The following VAPB variants were observed in gnomAD, a reference collection of about 807,000 sequenced individuals.
VAPB encodes the protein VAMP associated protein B and C.
VAPB carries 7 observed loss-of-function variants against 25.6 expected under a neutral mutation model. That is an observed-to-expected ratio of 0.27 (90% CI 0.16 to 0.51). The LOEUF (loss-of-function observed/expected upper bound fraction) is 0.51. Among genes scored for constraint, VAPB ranks in the 20% least tolerant of loss-of-function variants. The probability of loss-of-function intolerance (pLI) is 0.97; values close to 1 mark genes in which losing one functional copy is unlikely to be tolerated. For synonymous variants in VAPB, 112 were observed against 109.2 expected (o/e 1.03, Z -0.16); for missense variants, 266 against 301.3 (o/e 0.88, Z 0.87).
chr20:58,429,052 G>C (rs1433215957), intron 2 of VAPB, among the ~76,000 whole-genome samples: 1 of 152,122 alleles, frequency 6.6e-6, no homozygotes, highest in Admixed American at 6.6e-5. Flanking sequence ...GGCCTGAGCT[G>C]AGATTGTAGG....
chr20:58,446,971 C>T lies in VAPB; in HGVS notation c.*2736C>T, dbSNP rs1017805183. 3.3e-5 allele frequency: 15 copies of T among 453,928 alleles called. No homozygotes were observed. Among genetic ancestry groups the T allele is most frequent in the African/African-American group, 2.4e-4 (12 of 49,972 alleles). 28.1% of individuals were successfully genotyped at this position (453,928 alleles called of 1,614,324 possible). A position where few individuals can be genotyped will look rare whatever the true frequency, so the allele number is the denominator to read the frequency against. ...GCCTGTCACAACGGCCTGCCCTGCC[C>T]CAAGAGGGTTAAGAGTCAGATAATC... On this transcript the variant is annotated 3_prime_UTR_variant, in exon 6 of 6. Coordinates refer to ENST00000475243, the MANE Select transcript of VAPB (RefSeq NM_004738.5).
chr20:58,406,334 CA>C (rs1264844708), intron 1 of VAPB, among the ~76,000 whole-genome samples: 2 of 152,116 alleles, frequency 1.3e-5, no homozygotes, highest in Admixed American at 6.5e-5. Flanking sequence ...GCATAATTTC[CA>C]AAGGCAGAGT....
At chr20:58,438,923 TA>T in intron 3 of VAPB, 21 bp from the exon 4 acceptor site, 7 of 1,596,084 alleles carry the variant, frequency 4.4e-6, no homozygotes, top group Non-Finnish European at 6.0e-6. Flanking sequence ...ATATCTTGAT[TA>T]TTAAATTTAA....
rs1490455223 is a variant in VAPB at position 58,438,841 on chromosome 20, G to A, written c.316-104G>A. The A allele has an allele frequency of 7.5e-6, 7 of 939,450 alleles. No individual in the cohort carries two copies. In the East Asian group the frequency reaches 1.8e-4, roughly 24 times the overall value. The allele number at this position is 939,450 out of a possible 1,614,324, so 58.2% of individuals were successfully genotyped here. On this transcript the variant is annotated intron_variant, in intron 3 of 5. Coordinates refer to ENST00000475243, the MANE Select transcript of VAPB (RefSeq NM_004738.5). The stretch of plus-strand genomic sequence containing the variant: ...AGTTCTTTATTTGATATACATCAGG[G>A]CTTTCTCATTAAGAGTATTTTTCTG...
At position 58,445,710 on chromosome 20, in the gene VAPB, G is replaced by A. The variant is rs1464217918; in HGVS notation, c.*1475G>A. Reference sequence around the variant, plus strand: ...TGTGTGTGTGTGTGTGTGTGTGTGTGTGTGTGTGTGTATTTTTTTTTTGGT... The same window carrying A: ...TGTGTGTGTGTGTGTGTGTGTGTGTATGTGTGTGTGTATTTTTTTTTTGGT... On this transcript the variant is annotated 3_prime_UTR_variant, in exon 6 of 6. Coordinates refer to ENST00000475243, the MANE Select transcript of VAPB (RefSeq NM_004738.5). 1 of 403,456 alleles carries A rather than the reference G, an allele frequency of 2.5e-6. No individual in the cohort carries two copies. The highest frequency in any genetic ancestry group is 2.6e-5 in the Admixed American group (1 of 39,214). 25.0% of individuals were successfully genotyped at this position (403,456 alleles called of 1,614,324 possible).
At chr20:58,399,144 T>TA (rs1988034160) in intron 1 of VAPB, among the ~76,000 whole-genome samples, 1 of 151,720 alleles carries the variant, frequency 6.6e-6, no homozygotes, top group Admixed American at 6.6e-5. Context: ...CTACTAAAAA[T>TA]ACAAAAGTTA....
At position 58,449,494 on chromosome 20, in the gene VAPB, C is replaced by G. The variant is rs1201987578; in HGVS notation, c.*5259C>G. ...TATTAGAAAATGTCTGTGTTAAATCCGTAGAAAAGGAAGAAAAGTGTAGCA... is the reference window on the plus strand; with the variant it reads ...TATTAGAAAATGTCTGTGTTAAATCGGTAGAAAAGGAAGAAAAGTGTAGCA... On this transcript the variant is annotated 3_prime_UTR_variant, in exon 6 of 6. Transcript: ENST00000475243. 3 of 452,404 alleles carry G rather than the reference C, an allele frequency of 6.6e-6. No homozygotes were observed. The Admixed American group carries it at 7.1e-5, about 11-fold the overall frequency. 28.0% of individuals were successfully genotyped at this position (452,404 alleles called of 1,614,324 possible). A position where few individuals can be genotyped will look rare whatever the true frequency, so the allele number is the denominator to read the frequency against.
chr20:58,440,603 T>A, intron 4 of VAPB: 1 of 324,280 alleles, frequency 3.1e-6, no homozygotes. Flanking sequence ...ACAATTACAG[T>A]ATGCTGATTT....
rs933521595 is a variant in VAPB at position 58,447,652 on chromosome 20, G to C, written c.*3417G>C. On this transcript the variant is annotated 3_prime_UTR_variant, in exon 6 of 6. Transcript: ENST00000475243. ...TCAGATGAATTTGAAAACAGACTCT[G>C]TGTGTGTGTGCATGTGTGCATGTGT... The C allele has an allele frequency of 2.9e-6, 1 of 342,064 alleles. No homozygotes were observed. Among genetic ancestry groups the C allele is most frequent in the South Asian group, 1.7e-5 (1 of 60,576 alleles). The allele number at this position is 342,064 out of a possible 1,614,324, so 21.2% of individuals were successfully genotyped here. A position where few individuals can be genotyped will look rare whatever the true frequency, so the allele number is the denominator to read the frequency against.
At chr20:58,393,873 C>T (rs142358890) in intron 1 of VAPB, among the ~76,000 whole-genome samples, 2,509 of 152,278 alleles carry the variant, frequency 0.016, 70 homozygotes, top group African/African-American at 0.058. Context: ...GCTGGGATTA[C>T]AGGCATGCGC....
At chr20:58,439,160 G>C in intron 4 of VAPB, 135 bp downstream of exon 4, 2 of 819,488 alleles carry the variant, frequency 2.4e-6, no homozygotes, top group Non-Finnish European at 2.0e-6. Flanking sequence ...AAAATAAGCT[G>C]AAGTCAGCAA....
intron 1 of VAPB, among the ~76,000 whole-genome samples, chr20:58,401,887 T>G (rs550656570): frequency 3.9e-4 from 60 of 152,282 alleles, no homozygotes; most frequent in Non-Finnish European, 6.9e-4. Flanking sequence ...CATTGGATGG[T>G]ACCTACATTC....
chr20:58,431,774 C>T (rs1988934411), intron 2 of VAPB, among the ~76,000 whole-genome samples: 1 of 151,924 alleles, frequency 6.6e-6, no homozygotes, highest in African/African-American at 2.4e-5. Flanking sequence ...GCTTTGTCGC[C>T]CAGGTTGGTC....
intron 2 of VAPB, among the ~76,000 whole-genome samples, chr20:58,426,711 A>G (rs187678424): frequency 2.6e-5 from 4 of 152,326 alleles, no homozygotes; most frequent in Admixed American, 1.3e-4. Context: ...CAAGTAGGGT[A>G]TTAAGGTACG....
At chr20:58,410,487 G>A (rs1051393956) in intron 1 of VAPB, among the ~76,000 whole-genome samples, 1 of 151,982 alleles carries the variant, frequency 6.6e-6, no homozygotes, top group Non-Finnish European at 1.5e-5. Flanking sequence ...AGCGATCTTC[G>A]CTCACTGTAA....
chr20:58,419,071 GC>G (rs1988612647), intron 2 of VAPB, among the ~76,000 whole-genome samples: 1 of 152,212 alleles, frequency 6.6e-6, no homozygotes, highest in Non-Finnish European at 1.5e-5. Context: ...TAAACTTTTA[GC>G]TCATTAGAAC....
intron 1 of VAPB, among the ~76,000 whole-genome samples, chr20:58,407,007 G>A (rs1166422132): frequency 1.3e-5 from 2 of 152,140 alleles, no homozygotes; most frequent in Admixed American, 6.5e-5. Flanking sequence ...AGAATGCATT[G>A]AAAAAATTCA....
chr20:58,427,134 T>A (rs1988807845), intron 2 of VAPB, among the ~76,000 whole-genome samples: 1 of 145,050 alleles, frequency 6.9e-6, no homozygotes, highest in Non-Finnish European at 1.5e-5. Flanking sequence ...ACCATTATGA[T>A]GCAGGTCCAT....
chr20:58,403,659 C>G (rs540066235), intron 1 of VAPB, among the ~76,000 whole-genome samples: 4 of 152,330 alleles, frequency 2.6e-5, no homozygotes, highest in South Asian at 4.1e-4. Flanking sequence ...CTCAATTTAA[C>G]AATTCTCTGT....
Sources: allele counts gnomAD v4.1 joint callset (sites outside exome capture counted in the v4.1 genomes callset), GRCh38; gene constraint gnomAD v4.1.1; transcripts MANE v1.5; gene names NCBI Gene and HGNC (gene_info 2026-07-23, HGNC 2026-07-21).